ZDBF2: variants seen among roughly 807,000 people sequenced by gnomAD.
ZDBF2 encodes the protein zinc finger DBF-type containing 2, also known as DBF4-type zinc finger-containing protein 2.
In ZDBF2, 6 loss-of-function variants were observed where a neutral mutation model predicts 9.4. The observed-to-expected ratio is 0.64, with a 90% CI of 0.35 to 1.27. The LOEUF is 1.27. Ranked by LOEUF, ZDBF2 falls within the 50% of genes most tolerant of loss-of-function variation. The probability of loss-of-function intolerance (pLI) is 0.03; values close to 1 mark genes in which losing one functional copy is unlikely to be tolerated. For synonymous variants in ZDBF2, 905 were observed against 946.3 expected, an observed-to-expected ratio of 0.96 and a Z score of 0.80; for missense variants, 2,697 against 2,766.8, an observed-to-expected ratio of 0.97 and a Z score of 0.57.
intron 3 of ZDBF2, 29 bp downstream of exon 3, chr2:206,281,938 T>C (rs757640587): frequency 5.9e-5 from 93 of 1,586,322 alleles, no homozygotes; most frequent in Admixed American, 2.2e-4. Context: ...TATGATAATA[T>C]CTCAAAGGAC....
intron 4 of ZDBF2, among the ~76,000 whole-genome samples, chr2:206,302,463 G>A (rs1413239620): frequency 1.3e-5 from 2 of 152,214 alleles, no homozygotes. Flanking sequence ...GCATCCAGAT[G>A]GCAGTTCATG....
intron 4 of ZDBF2, among the ~76,000 whole-genome samples, chr2:206,301,352 AAGG>A (rs1692491049): frequency 6.6e-6 from 1 of 152,098 alleles, no homozygotes; most frequent in South Asian, 2.1e-4. Flanking sequence ...AATCAGATGT[AAGG>A]AGAATTTTTC....
chr2:206,309,983 GC>G lies in ZDBF2; in HGVS notation c.5457del (p.Leu1820CysfsTer16). The G allele has an allele frequency of 6.2e-7, 1 of 1,613,098 alleles. No individual in the cohort carries two copies. The highest frequency in any genetic ancestry group is 8.5e-7 in the Non-Finnish European group (1 of 1,179,674). On this transcript the variant is annotated frameshift_variant, in exon 5 of 5. Transcript: ENST00000374423. LOFTEE classifies it low-confidence loss of function (END_TRUNC). Reference sequence around the variant, plus strand: ...TAATCCTGATGAACCAGTTCTTGAAGCCTTGCCTCATGTACCTCCTTCATTT... The same window carrying G: ...TAATCCTGATGAACCAGTTCTTGAAGCTTGCCTCATGTACCTCCTTCATTT... ...EDNPDEPVLE[A>X]LPHVPPSFVG...
intron 1 of ZDBF2, among the ~76,000 whole-genome samples, chr2:206,278,706 A>G (rs935314270): frequency 6.6e-6 from 1 of 152,104 alleles, no homozygotes; most frequent in Non-Finnish European, 1.5e-5. Context: ...TGAGTGAGTA[A>G]ATCCTACCCA....
At chr2:206,300,440 C>G (rs186330609) in intron 4 of ZDBF2, among the ~76,000 whole-genome samples, 423 of 152,288 alleles carry the variant, frequency 2.8e-3, no homozygotes, top group Non-Finnish European at 4.7e-3. Flanking sequence ...GGATAGCCTT[C>G]AATTTGTGTC....
chr2:206,292,052 G>A (rs1214949998), intron 3 of ZDBF2: 7 of 398,252 alleles, frequency 1.8e-5, no homozygotes, highest in Non-Finnish European at 3.1e-5. Flanking sequence ...AGTTCTTCAG[G>A]CAGAAGGAAA....
intron 3 of ZDBF2, among the ~76,000 whole-genome samples, chr2:206,295,036 G>A (rs528254117): frequency 9.9e-5 from 15 of 152,216 alleles, no homozygotes; most frequent in African/African-American, 3.4e-4. Context: ...TGTTCCTGGG[G>A]CTAGGAGCAC....
intron 4 of ZDBF2, among the ~76,000 whole-genome samples, chr2:206,304,439 A>G (rs1185327843): frequency 2.0e-5 from 3 of 152,124 alleles, no homozygotes; most frequent in African/African-American, 7.2e-5. Flanking sequence ...GCTATTTACT[A>G]CTCTGATAAC....
At chr2:206,300,158 C>T (rs1392729501) in intron 4 of ZDBF2, among the ~76,000 whole-genome samples, 1 of 152,070 alleles carries the variant, frequency 6.6e-6, no homozygotes, top group Admixed American at 6.6e-5. Flanking sequence ...CTGAACCCTG[C>T]TCAGAGGGAG....
chr2:206,299,119 A>C (rs531196720), intron 4 of ZDBF2, among the ~76,000 whole-genome samples: 1 of 151,800 alleles, frequency 6.6e-6, no homozygotes, highest in Non-Finnish European at 1.5e-5. Flanking sequence ...GACCTCAGGT[A>C]ATCTGCCTGC....
At chr2:206,283,703 G>C (rs913899865) in intron 3 of ZDBF2, among the ~76,000 whole-genome samples, 1 of 151,486 alleles carries the variant, frequency 6.6e-6, no homozygotes, top group Non-Finnish European at 1.5e-5. Context: ...TTGCATTATT[G>C]CCCAGGCTGG....
intron 3 of ZDBF2, among the ~76,000 whole-genome samples, chr2:206,289,253 C>T (rs933572419): frequency 3.9e-5 from 6 of 152,058 alleles, no homozygotes; most frequent in Middle Eastern, 3.2e-3. Context: ...GTGTTCCTGG[C>T]GGCCATTTCT....
At chr2:206,288,101 T>C (rs1172148323) in intron 3 of ZDBF2, among the ~76,000 whole-genome samples, 1 of 152,228 alleles carries the variant, frequency 6.6e-6, no homozygotes, top group Non-Finnish European at 1.5e-5. Context: ...GTTCCTTTGG[T>C]GATGTTATAT....
chr2:206,295,879 A>G lies in ZDBF2; in HGVS notation c.61-1367A>G, dbSNP rs185043030. 3.3e-5 allele frequency among the ~76,000 whole-genome samples: 5 copies of G among 152,254 alleles called. No individual in the cohort carries two copies. The East Asian group carries it at 9.6e-4, about 29-fold the overall frequency. On this transcript the variant is annotated intron_variant, in intron 3 of 4. Transcript: ENST00000374423. ...GTAAAGAAAGAATCTTTCTAACTGT[A>G]GAGAGAGTTACAAGACTGAAAAATT...
rs768120170 is a variant in ZDBF2 at position 206,281,891 on chromosome 2, G to A, written c.42G>A (p.Gln14=). ...RQGYCSYCRV[Q]YNNLEQHLFS... Reference sequence around the variant, plus strand: ...GATATTGCAGTTATTGCCGTGTGCAGTATAATAACCTGGAACAGGTGAGCG... The same window carrying A: ...GATATTGCAGTTATTGCCGTGTGCAATATAATAACCTGGAACAGGTGAGCG... The change falls in exon 3 of 5, where the codon CAG becomes CAA. Residue 14 remains glutamine (Q), a synonymous_variant. Transcript: ENST00000374423. 1.9e-6 allele frequency: 3 copies of A among 1,613,044 alleles called. No homozygotes were observed. Among genetic ancestry groups the A allele is most frequent in the South Asian group, 2.2e-5 (2 of 90,870 alleles).
At position 206,310,927 on chromosome 2, in the gene ZDBF2, G is replaced by C; in HGVS notation, c.6399G>C (p.Lys2133Asn). The change falls in exon 5 of 5, where the codon AAG becomes AAC. Residue 2133 changes from lysine to asparagine, a missense_variant. Coordinates refer to ENST00000374423, the MANE Select transcript of ZDBF2 (RefSeq NM_020923.3). Reference protein sequence around the residue: ...SDSSLFLEESKVLHARELPKK... With the variant: ...SDSSLFLEESNVLHARELPKK... ...CTTCTCTGTTTCTGGAAGAATCAAA[G>C]GTTCTGCATGCTCGTGAGCTTCCAA... 6.2e-7 allele frequency: 1 copy of C among 1,613,888 alleles called. No individual in the cohort carries two copies. Among genetic ancestry groups the C allele is most frequent in the Non-Finnish European group, 8.5e-7 (1 of 1,179,886 alleles).
intron 4 of ZDBF2, among the ~76,000 whole-genome samples, chr2:206,302,150 A>G (rs1692540068): frequency 6.6e-6 from 1 of 151,926 alleles, no homozygotes; most frequent in Non-Finnish European, 1.5e-5. Flanking sequence ...CTGGGACTAT[A>G]GACATGTACC....
Position 206,305,065 on chromosome 2 carries a change from C to T in ZDBF2, c.537C>T (p.Arg179=), listed in dbSNP as rs776102608. The change falls in exon 5 of 5, where the codon CGC becomes CGT. Residue 179 remains arginine, a synonymous_variant. Transcript: ENST00000374423. ...CAAATAATAGAAGCAACTTGGTACGCCCCCCAGTGATTTGTAATGCTCCTG... is the reference window on the plus strand; with the variant it reads ...CAAATAATAGAAGCAACTTGGTACGTCCCCCAGTGATTTGTAATGCTCCTG... ...QATNNRSNLV[R]PPVICNAPAS... 6.2e-7 allele frequency: 1 copy of T among 1,613,704 alleles called. No homozygotes were observed. Among genetic ancestry groups the T allele is most frequent in the Non-Finnish European group, 8.5e-7 (1 of 1,179,748 alleles).
chr2:206,304,270 T>A (rs1692649162), intron 4 of ZDBF2, among the ~76,000 whole-genome samples: 1 of 152,222 alleles, frequency 6.6e-6, no homozygotes, highest in South Asian at 2.1e-4. Context: ...TGTGAATGCT[T>A]ACTGTGTGCC....
Sources: gnomAD v4.1 joint callset for allele counts (sites outside exome capture counted in the v4.1 genomes callset) on GRCh38, gnomAD v4.1.1 for gene constraint, MANE v1.5 for transcripts, NCBI Gene and HGNC (gene_info 2026-07-23, HGNC 2026-07-21) for gene names.